Variants in KIF18A observed in about 807,000 individuals in gnomAD.
KIF18A encodes the protein kinesin family member 18A.
Under a neutral mutation model 103.3 loss-of-function variants are expected in KIF18A, and 67 were observed. The ratio of observed to expected loss-of-function variants is 0.65; its 90% CI spans 0.53 to 0.79. The LOEUF is 0.79. Ranked by LOEUF, KIF18A falls within the 30% of genes least tolerant of loss-of-function variation. The pLI is 0.00. For synonymous variants in KIF18A, 367 were observed against 355.5 expected, an observed-to-expected ratio of 1.03 and a Z score of -0.36; for missense variants, 1,032 against 1,062.5, an observed-to-expected ratio of 0.97 and a Z score of 0.40.
intron 10 of KIF18A, among the ~76,000 whole-genome samples, chr11:28,075,049 T>A (rs954137310): frequency 1.3e-5 from 2 of 152,200 alleles, no homozygotes; most frequent in African/African-American, 4.8e-5. Flanking sequence ...TGAATTTACA[T>A]CTTATTAGTC....
intron 5 of KIF18A, 35 bp downstream of exon 5, chr11:28,090,582 C>G: frequency 1.8e-6 from 2 of 1,116,090 alleles, no homozygotes; most frequent in African/African-American, 1.6e-5. Context: ...TATTTTAAAT[C>G]CAATTTTAAG....
chr11:28,085,192 G>A (rs1317402580), intron 6 of KIF18A, among the ~76,000 whole-genome samples: 3 of 152,166 alleles, frequency 2.0e-5, no homozygotes, highest in Admixed American at 6.5e-5. Flanking sequence ...AACGCCGCTT[G>A]AGGGCTCCTT....
chr11:28,091,610 T>C, intron 3 of KIF18A, 97 bp from the exon 4 acceptor site: 1 of 565,216 alleles, frequency 1.8e-6, no homozygotes, highest in Non-Finnish European at 3.1e-6. Context: ...TAGAATTTTA[T>C]CCTAAAGACA....
intron 6 of KIF18A, among the ~76,000 whole-genome samples, chr11:28,085,982 G>A (rs916797217): frequency 5.3e-5 from 8 of 152,056 alleles, no homozygotes; most frequent in Non-Finnish European, 8.8e-5. Context: ...AAAAATATCT[G>A]CATCTGAGTA....
At chr11:28,047,462 T>A (rs922190733) in intron 13 of KIF18A, among the ~76,000 whole-genome samples, 18 of 152,180 alleles carry the variant, frequency 1.2e-4, no homozygotes, top group Admixed American at 7.2e-4. Flanking sequence ...TGGTCCTAAC[T>A]ACTGGCCACC....
chr11:28,029,332 T>C (rs1211717353), intron 15 of KIF18A, among the ~76,000 whole-genome samples: 1 of 152,124 alleles, frequency 6.6e-6, no homozygotes, highest in African/African-American at 2.4e-5. Flanking sequence ...TTATCCACCA[T>C]GAGCAAGTGG....
intron 6 of KIF18A, among the ~76,000 whole-genome samples, chr11:28,087,131 G>A (rs1243036561): frequency 6.6e-6 from 1 of 152,108 alleles, no homozygotes; most frequent in Non-Finnish European, 1.5e-5. Context: ...AGAACGTGCA[G>A]GTTTCTTACA....
At chr11:28,074,852 T>C (rs1851069082) in intron 10 of KIF18A, among the ~76,000 whole-genome samples, 1 of 152,142 alleles carries the variant, frequency 6.6e-6, no homozygotes, top group South Asian at 2.1e-4. Context: ...TATTTGAACA[T>C]CATATGTCTA....
chr11:28,034,425 T>A (rs188648578), intron 15 of KIF18A, among the ~76,000 whole-genome samples: 2 of 151,894 alleles, frequency 1.3e-5, no homozygotes, highest in Non-Finnish European at 2.9e-5. Flanking sequence ...ATTTCTAGGT[T>A]GCCCTACTCC....
At chr11:28,037,312 A>G (rs1455793003) in intron 13 of KIF18A, among the ~76,000 whole-genome samples, 1 of 151,566 alleles carries the variant, frequency 6.6e-6, no homozygotes, top group African/African-American at 2.4e-5. Context: ...CAGTAGCTGC[A>G]GATTCTGCAT....
intron 6 of KIF18A, 73 bp from the exon 7 acceptor site, chr11:28,084,881 C>A: frequency 8.6e-7 from 1 of 1,161,338 alleles, no homozygotes; most frequent in South Asian, 1.4e-5. Flanking sequence ...TTTAGCACTT[C>A]ACTGTGGGGG....
chr11:28,025,952 A>G (rs1850313440), intron 15 of KIF18A, among the ~76,000 whole-genome samples: 1 of 151,934 alleles, frequency 6.6e-6, no homozygotes. Context: ...ATAAAAGTGT[A>G]TGGCAAATAT....
At chr11:28,062,620 G>T (rs943009262) in intron 11 of KIF18A, 104 bp from the exon 12 acceptor site, 1 of 822,482 alleles carries the variant, frequency 1.2e-6, no homozygotes, top group Non-Finnish European at 1.7e-6. Context: ...ATTCTTTTTA[G>T]ATATTAAATA....
At chr11:28,066,958 GT>G (rs1380168194) in intron 11 of KIF18A, among the ~76,000 whole-genome samples, 1 of 151,528 alleles carries the variant, frequency 6.6e-6, no homozygotes, top group African/African-American at 2.4e-5. Flanking sequence ...ATTATTATTT[GT>G]TAAGTGTTGC....
intron 8 of KIF18A, 61 bp downstream of exon 8, chr11:28,083,108 T>G: frequency 6.5e-7 from 1 of 1,546,802 alleles, no homozygotes; most frequent in Non-Finnish European, 8.7e-7. Context: ...ACAATTAAGA[T>G]TATAAAATTC....
In KIF18A at chr11:28,062,532, C is replaced by G. The variant is rs376233808; in HGVS notation, c.1591-16G>C. On this transcript the variant is annotated splice_polypyrimidine_tract_variant and intron_variant, in intron 11 of 16. Coordinates refer to ENST00000263181, the MANE Select transcript of KIF18A (RefSeq NM_031217.4). ...TCTTGAGTTCCTAGGGCAAACAATA[C>G]AAAATGTACTTCAGATCACTCTAAG... is the stretch of plus-strand genomic sequence containing the variant. 3.8e-6 allele frequency: 6 copies of G among 1,598,292 alleles called. No homozygotes were observed. The highest frequency in any genetic ancestry group is 2.7e-5 in the African/African-American group (2 of 74,426).
chr11:28,097,673 T>C lies in KIF18A; in HGVS notation c.275A>G (p.His92Arg), dbSNP rs1351350376. ...ACTACGAAGAATTGGCTTAGTAGTG[T>C]GTTCAAAAACTTCTGACTGAGTTGA... ...ETSTQSEVFEHTTKPILRSFL... is the reference protein window; with the variant it reads ...ETSTQSEVFERTTKPILRSFL... The change falls in exon 2 of 17, where the codon CAC (histidine) becomes CGC (arginine). Residue 92 changes from histidine to arginine, a missense_variant. His to Arg is a conservative substitution (Grantham distance 29). Coordinates refer to ENST00000263181, the MANE Select transcript of KIF18A (RefSeq NM_031217.4). 6 of 1,611,650 alleles carry C rather than the reference T, an allele frequency of 3.7e-6. No individual in the cohort carries two copies. The highest frequency in any genetic ancestry group is 2.2e-5 in the East Asian group (1 of 44,804).
At position 28,021,087 on chromosome 11, in the gene KIF18A, T is replaced by C. The variant is rs1274846040; in HGVS notation, c.*113A>G. On this transcript the variant is annotated 3_prime_UTR_variant, in exon 17 of 17. Coordinates refer to ENST00000263181, the MANE Select transcript of KIF18A (RefSeq NM_031217.4). ...GCTTGCTGAAAGTACTTGGGTAAAC[T>C]TAGCTTTAAGATGGGTCTTCTTTCA... is the stretch of plus-strand genomic sequence containing the variant. 2.9e-6 allele frequency: 3 copies of C among 1,047,912 alleles called. No individual in the cohort carries two copies. The highest frequency in any genetic ancestry group is 3.7e-6 in the Non-Finnish European group (3 of 814,186). 64.9% of individuals were successfully genotyped at this position (1,047,912 alleles called of 1,614,324 possible).
intron 12 of KIF18A, among the ~76,000 whole-genome samples, chr11:28,061,011 G>A (rs542893747): frequency 1.2e-4 from 19 of 152,248 alleles, no homozygotes; most frequent in South Asian, 2.1e-4. Context: ...TCCCTTTGCC[G>A]AATGTGCTTT....
Sources: gnomAD v4.1 joint callset for allele counts (sites outside exome capture counted in the v4.1 genomes callset) on GRCh38, gnomAD v4.1.1 for gene constraint, MANE v1.5 for transcripts, NCBI Gene and HGNC (gene_info 2026-07-23, HGNC 2026-07-21) for gene names.